The following PPIG variants were observed in gnomAD, a reference collection of about 807,000 sequenced individuals.
PPIG encodes the protein peptidyl-prolyl cis-trans isomerase G.
In PPIG, 26 loss-of-function variants were observed where a neutral mutation model predicts 87.9. The observed-to-expected ratio is 0.30, with a 90% CI of 0.22 to 0.41. The LOEUF (loss-of-function observed/expected upper bound fraction) is 0.41. PPIG is among the 10% of genes least tolerant of loss of function. The probability of loss-of-function intolerance (pLI) is 1.00; values close to 1 mark genes in which losing one functional copy is unlikely to be tolerated. For missense variants in PPIG, 722 were observed against 879.4 expected (o/e 0.82, Z 2.26); for synonymous variants, 308 against 276.5 (o/e 1.11, Z -1.13).
chr2:169,606,965 A>G (rs1192160522), intron 5 of PPIG, 139 bp from the exon 6 acceptor site: 5 of 647,382 alleles, frequency 7.7e-6, no homozygotes, highest in African/African-American at 3.7e-5. Flanking sequence ...TGACATTAAT[A>G]TCTTTTATGA....
intron 6 of PPIG, 39 bp from the exon 7 acceptor site, chr2:169,608,632 T>C (rs754086259): frequency 4.2e-6 from 6 of 1,415,240 alleles, no homozygotes; most frequent in South Asian, 1.2e-5. Flanking sequence ...TTTTGGAGGT[T>C]ATATCTATAA....
chr2:169,607,662 T>C (rs1452062751), intron 6 of PPIG, among the ~76,000 whole-genome samples: 2 of 152,226 alleles, frequency 1.3e-5, no homozygotes, highest in Non-Finnish European at 2.9e-5. Flanking sequence ...CCTTCACTTT[T>C]GACATTTAGT....
chr2:169,585,495 G>A (rs964644456), intron 1 of PPIG, among the ~76,000 whole-genome samples: 6 of 151,948 alleles, frequency 3.9e-5, no homozygotes, highest in Non-Finnish European at 8.8e-5. Context: ...TCCTGACCTC[G>A]TGATCCGCCC....
intron 6 of PPIG, 95 bp downstream of exon 6, chr2:169,607,243 A>G: frequency 2.5e-6 from 2 of 792,250 alleles, no homozygotes; most frequent in South Asian, 1.9e-5. Context: ...ATTAAAGGGT[A>G]TACTAATGTC....
At chr2:169,608,223 G>A (rs7584973) in intron 6 of PPIG, among the ~76,000 whole-genome samples, 23,292 of 151,432 alleles carry the variant, frequency 0.15, 1,881 homozygotes, top group Non-Finnish European at 0.18. Context: ...GGGCACGGTG[G>A]CTCATGCCTG....
chr2:169,601,618 C>T (rs1167558572), intron 1 of PPIG, among the ~76,000 whole-genome samples: 1 of 152,056 alleles, frequency 6.6e-6, no homozygotes, highest in East Asian at 1.9e-4. Flanking sequence ...GTGGAGAGAA[C>T]AGCAAATGTA....
At chr2:169,604,468 G>A (rs1040445480) in intron 4 of PPIG, among the ~76,000 whole-genome samples, 4 of 150,988 alleles carry the variant, frequency 2.6e-5, no homozygotes, top group South Asian at 4.2e-4. Context: ...ACCTGGCATA[G>A]CTTGCTTTAA....
At chr2:169,584,742 C>T (rs1574428702) in intron 1 of PPIG, 1 of 313,802 alleles carries the variant, frequency 3.2e-6, no homozygotes, top group East Asian at 1.2e-4. Flanking sequence ...GGTCCTTCCT[C>T]TGCCAGCCCC....
chr2:169,620,485 GT>G (rs1685719638), intron 9 of PPIG, among the ~76,000 whole-genome samples: 3 of 151,654 alleles, frequency 2.0e-5, no homozygotes, highest in Admixed American at 2.0e-4. Flanking sequence ...AGTTTTTGTT[GT>G]TGTTGTTTTT....
intron 1 of PPIG, among the ~76,000 whole-genome samples, chr2:169,592,450 G>A (rs768523371): frequency 1.5e-4 from 22 of 151,670 alleles, no homozygotes; most frequent in Non-Finnish European, 3.1e-4. Context: ...GACTACAGGC[G>A]CCCACCACCA....
Position 169,608,839 on chromosome 2 carries a change from T to A in PPIG, c.377+81T>A, listed in dbSNP as rs1574448823. 7.4e-6 allele frequency: 7 copies of A among 947,396 alleles called. No homozygotes were observed. In the East Asian group the frequency reaches 2.1e-4, roughly 28 times the overall value. 58.7% of individuals were successfully genotyped at this position (947,396 alleles called of 1,614,324 possible). ...GGCTCATGCCTGTAATCCCAGGACT[T>A]TGGGAGGCTGAGGCGGGCGGATCAC... On this transcript the variant is annotated intron_variant, in intron 7 of 13. Transcript: ENST00000260970.
chr2:169,637,587 A>G lies in PPIG; in HGVS notation c.*64A>G. The G allele has an allele frequency of 7.2e-7, 1 of 1,383,582 alleles. No homozygotes were observed. Among genetic ancestry groups the G allele is most frequent in the Non-Finnish European group, 9.6e-7 (1 of 1,038,124 alleles). The allele number at this position is 1,383,582 out of a possible 1,614,324, so 85.7% of individuals were successfully genotyped here. ...TTAAGTTTGAGAGACTTGCTAATGAATCTCCTTTATGTTGTTTTCCTTTTC... is the reference window on the plus strand; with the variant it reads ...TTAAGTTTGAGAGACTTGCTAATGAGTCTCCTTTATGTTGTTTTCCTTTTC... On this transcript the variant is annotated 3_prime_UTR_variant, in exon 14 of 14. Coordinates refer to ENST00000260970, the MANE Select transcript of PPIG (RefSeq NM_004792.3).
chr2:169,607,308 TA>T (rs1245250020), intron 6 of PPIG, among the ~76,000 whole-genome samples, 160 bp downstream of exon 6: 3 of 152,182 alleles, frequency 2.0e-5, no homozygotes, highest in Non-Finnish European at 4.4e-5. Context: ...AATTGCTTTT[TA>T]TACAGATGGG....
chr2:169,623,184 C>G (rs1173838760), intron 9 of PPIG, among the ~76,000 whole-genome samples: 2 of 152,076 alleles, frequency 1.3e-5, no homozygotes, highest in Non-Finnish European at 2.9e-5. Flanking sequence ...AGCTGCATCC[C>G]CTGTAGAGGC....
Position 169,637,311 on chromosome 2 carries a change from G to A in PPIG, c.2053G>A (p.Asp685Asn). Residue 685 changes from aspartate (D) to asparagine (N), a missense_variant, in exon 14 of 14, where the codon GAT becomes AAT. Coordinates refer to ENST00000260970, the MANE Select transcript of PPIG (RefSeq NM_004792.3). ...CAGCAGGGAAAAAAAGGCTGATAGA[G>A]ATCAAAGTCCCTTCTCAAAAATAAA... ...NNSREKKADR[D>N]QSPFSKIKQS... The A allele has an allele frequency of 6.2e-7, 1 of 1,606,552 alleles. No individual in the cohort carries two copies. Among genetic ancestry groups the A allele is most frequent in the Non-Finnish European group, 8.5e-7 (1 of 1,178,384 alleles).
At chr2:169,587,954 C>A (rs185805597) in intron 1 of PPIG, among the ~76,000 whole-genome samples, 1 of 151,888 alleles carries the variant, frequency 6.6e-6, no homozygotes, top group Non-Finnish European at 1.5e-5. Flanking sequence ...TCGGGAGTTC[C>A]AGACCAGCCT....
chr2:169,614,503 A>C lies in PPIG; in HGVS notation c.407+10A>C, dbSNP rs760442959. On this transcript the variant is annotated intron_variant, in intron 8 of 13. Transcript: ENST00000260970. ...CTCCTCATTTAGATGGGTAAATATT[A>C]TTTTATTTATTTTACAACCTGTTTT... 3 of 1,556,536 alleles carry C rather than the reference A, an allele frequency of 1.9e-6. No individual in the cohort carries two copies. The East Asian group carries it at 6.8e-5, about 35-fold the overall frequency.
At chr2:169,621,420 A>G (rs1051720571) in intron 9 of PPIG, among the ~76,000 whole-genome samples, 2 of 152,016 alleles carry the variant, frequency 1.3e-5, no homozygotes, top group African/African-American at 4.8e-5. Flanking sequence ...AGCTCATGGG[A>G]TTTCTTGATG....
intron 5 of PPIG, among the ~76,000 whole-genome samples, chr2:169,606,739 T>G (rs889087446): frequency 6.6e-6 from 1 of 152,114 alleles, no homozygotes; most frequent in Admixed American, 6.5e-5. Flanking sequence ...TCACAAGTGG[T>G]AATCCTTACT....
Sources: gnomAD v4.1 joint callset for allele counts (sites outside exome capture counted in the v4.1 genomes callset) on GRCh38, gnomAD v4.1.1 for gene constraint, MANE v1.5 for transcripts, NCBI Gene and HGNC (gene_info 2026-07-23, HGNC 2026-07-21) for gene names.